Variants in GLIPR2 observed in about 807,000 individuals in gnomAD.
GLIPR2 encodes the protein GLI pathogenesis related 2, also known as Golgi-associated plant pathogenesis-related protein 1.
GLIPR2 carries 21 observed loss-of-function variants against 20.4 expected under a neutral mutation model. The ratio of observed to expected loss-of-function variants is 1.03; its 90% CI spans 0.73 to 1.48. GLIPR2 has a LOEUF of 1.48. Ranked by LOEUF, GLIPR2 falls within the 40% of genes most tolerant of loss-of-function variation. The pLI is 0.00. For synonymous variants in GLIPR2, 91 were observed against 80.5 expected (o/e 1.13, Z -0.70); for missense variants, 205 against 200.1 (o/e 1.02, Z -0.15).
In GLIPR2 at chr9:36,162,779, G is replaced by A. The variant is rs890661551; in HGVS notation, c.*257G>A. 7 of 402,104 alleles carry A rather than the reference G, an allele frequency of 1.7e-5. No homozygotes were observed. The highest frequency in any genetic ancestry group is 2.4e-5 in the South Asian group (1 of 40,952). 24.9% of individuals were successfully genotyped at this position (402,104 alleles called of 1,614,324 possible). On this transcript the variant is annotated 3_prime_UTR_variant, in exon 5 of 5. Transcript: ENST00000377960. ...TTTGGATTGGGGGGAGGGGGGATCCGTTTTTTTTTTTTAATTTTTTGTTAT... is the reference window on the plus strand; with the variant it reads ...TTTGGATTGGGGGGAGGGGGGATCCATTTTTTTTTTTTAATTTTTTGTTAT...
chr9:36,158,178 A>C (rs1825919966), intron 4 of GLIPR2, among the ~76,000 whole-genome samples: 1 of 152,164 alleles, frequency 6.6e-6, no homozygotes, highest in African/African-American at 2.4e-5. Flanking sequence ...TAAATATCTG[A>C]ATCCCTGCTT....
chr9:36,157,277 C>G lies in GLIPR2; in HGVS notation c.305-5085C>G, dbSNP rs1462804856. On this transcript the variant is annotated intron_variant, in intron 4 of 4. Transcript: ENST00000377960. The stretch of plus-strand genomic sequence containing the variant: ...ACTCCTGACCTCTTGATCTGCCCAC[C>G]TTGGCCTCTCAAAGTGCTGAGAATA... Among the ~76,000 whole-genome samples, 6 of 151,556 alleles carry G rather than the reference C, an allele frequency of 4.0e-5. No homozygotes were observed. The East Asian group carries it at 1.2e-3, about 29-fold the overall frequency.
At chr9:36,137,823 C>T (rs1197246666) in intron 1 of GLIPR2, among the ~76,000 whole-genome samples, 1 of 152,254 alleles carries the variant, frequency 6.6e-6, no homozygotes, top group Admixed American at 6.5e-5. Flanking sequence ...AGGCTAGGTC[C>T]CTTCTAGGAT....
chr9:36,141,526 T>C (rs78703556), intron 1 of GLIPR2, among the ~76,000 whole-genome samples: 6,805 of 152,108 alleles, frequency 0.045, 505 homozygotes, highest in African/African-American at 0.15. Context: ...ATGAGGAGCC[T>C]GGAGAGGGCA....
chr9:36,136,847 C>T lies in GLIPR2; in HGVS notation c.13+56C>T. 1 of 1,260,376 alleles carries T rather than the reference C, an allele frequency of 7.9e-7. No homozygotes were observed. Among genetic ancestry groups the T allele is most frequent in the Non-Finnish European group, 1.0e-6 (1 of 1,001,878 alleles). 78.1% of individuals were successfully genotyped at this position (1,260,376 alleles called of 1,614,324 possible). On this transcript the variant is annotated intron_variant, in intron 1 of 4. Coordinates refer to ENST00000377960, the MANE Select transcript of GLIPR2 (RefSeq NM_022343.4). The surrounding 1 kb of genome is among the most constrained non-coding windows in gnomAD (Gnocchi z 4.3). ...GGTTCGGAACCCCGCGCTCCCGGAC[C>T]TCGCCGTCTCCCTCGTCCGCCGCAA...
chr9:36,154,299 C>T (rs2132765001), intron 4 of GLIPR2, among the ~76,000 whole-genome samples: 1 of 152,234 alleles, frequency 6.6e-6, no homozygotes, highest in Non-Finnish European at 1.5e-5. Context: ...TGACCCCTAG[C>T]ACTTTCCTGC....
rs1195869500 is a variant in GLIPR2 at position 36,147,900 on chromosome 9, T to G, written c.122+6T>G. 7.7e-7 allele frequency: 1 copy of G among 1,303,150 alleles called. No individual in the cohort carries two copies. Among genetic ancestry groups the G allele is most frequent in the Non-Finnish European group, 1.1e-6 (1 of 896,550 alleles). The allele number at this position is 1,303,150 out of a possible 1,614,324, so 80.7% of individuals were successfully genotyped here. The stretch of plus-strand genomic sequence containing the variant: ...CTCAACCGGGAGGCTCAACAGTGAG[T>G]CCCCTAGCACATCCGGGTAACTTGG... On this transcript the variant is annotated splice_donor_region_variant and intron_variant, in intron 2 of 4. Coordinates refer to ENST00000377960, the MANE Select transcript of GLIPR2 (RefSeq NM_022343.4).
intron 4 of GLIPR2, among the ~76,000 whole-genome samples, chr9:36,153,325 C>A (rs951957050): frequency 3.3e-5 from 5 of 152,190 alleles, no homozygotes; most frequent in African/African-American, 1.2e-4. Context: ...TCGTTTCACT[C>A]ATTGCCCTAC....
At chr9:36,150,222 C>T (rs1587142140) in intron 3 of GLIPR2, among the ~76,000 whole-genome samples, 1 of 152,318 alleles carries the variant, frequency 6.6e-6, no homozygotes, top group East Asian at 1.9e-4. Flanking sequence ...CCTCTGTAGA[C>T]CTACTGAATC....
intron 4 of GLIPR2, among the ~76,000 whole-genome samples, chr9:36,161,431 A>C (rs1826047095): frequency 1.3e-5 from 2 of 151,960 alleles, no homozygotes; most frequent in African/African-American, 4.8e-5. Flanking sequence ...TGGAACACAG[A>C]GCAGTGATTT....
intron 2 of GLIPR2, 82 bp from the exon 3 acceptor site, chr9:36,148,465 C>T (rs1041389958): frequency 3.1e-6 from 3 of 982,626 alleles, no homozygotes; most frequent in African/African-American, 3.2e-5. Flanking sequence ...GGGAAGGAAG[C>T]TCAGCCACAC....
At chr9:36,137,075 T>C (rs1483829557) in intron 1 of GLIPR2, among the ~76,000 whole-genome samples, 1 of 152,178 alleles carries the variant, frequency 6.6e-6, no homozygotes, top group Non-Finnish European at 1.5e-5. Flanking sequence ...TTCTGCTTTG[T>C]TTCAGGAGGC....
In GLIPR2 at chr9:36,162,355, C is replaced by T; in HGVS notation, c.305-7C>T. ...GTGTCCCTCTCCCTCTGCCCGTTCC[C>T]CTACAGGACACTTCACGGCCATGGT... On this transcript the variant is annotated splice_region_variant and splice_polypyrimidine_tract_variant and intron_variant, in intron 4 of 4. Coordinates refer to ENST00000377960, the MANE Select transcript of GLIPR2 (RefSeq NM_022343.4). 6.2e-7 allele frequency: 1 copy of T among 1,607,178 alleles called. No homozygotes were observed. Among genetic ancestry groups the T allele is most frequent in the East Asian group, 2.2e-5 (1 of 44,754 alleles).
chr9:36,153,911 C>A (rs1459338693), intron 4 of GLIPR2, among the ~76,000 whole-genome samples: 1 of 151,432 alleles, frequency 6.6e-6, no homozygotes, highest in Non-Finnish European at 1.5e-5. Context: ...CCAAAAAAAA[C>A]AAAAACAAAA....
chr9:36,153,613 C>T (rs957145439), intron 4 of GLIPR2, among the ~76,000 whole-genome samples: 2 of 152,032 alleles, frequency 1.3e-5, no homozygotes, highest in Non-Finnish European at 2.9e-5. Context: ...CTTTGAAATA[C>T]CCTTTGGCCA....
In GLIPR2 at chr9:36,147,888, C is replaced by T; in HGVS notation, c.116C>T (p.Ala39Val). Residue 39 changes from alanine to valine, a missense_variant, in exon 2 of 5, where the codon GCT (alanine) becomes GTT (valine). Ala to Val is a moderately conservative substitution (Grantham distance 64). Coordinates refer to ENST00000377960, the MANE Select transcript of GLIPR2 (RefSeq NM_022343.4). Reference sequence around the variant, plus strand: ...CTCTGCAAGAACCTCAACCGGGAGGCTCAACAGTGAGTCCCCTAGCACATC... The same window carrying T: ...CTCTGCAAGAACCTCAACCGGGAGGTTCAACAGTGAGTCCCCTAGCACATC... Reference protein sequence around the residue: ...LKLCKNLNREAQQYSEALAST... With the variant: ...LKLCKNLNREVQQYSEALAST... 2 of 1,460,026 alleles carry T rather than the reference C, an allele frequency of 1.4e-6. No homozygotes were observed. Among genetic ancestry groups the T allele is most frequent in the Non-Finnish European group, 1.9e-6 (2 of 1,039,492 alleles). The allele number at this position is 1,460,026 out of a possible 1,614,324, so 90.4% of individuals were successfully genotyped here.
intron 4 of GLIPR2, among the ~76,000 whole-genome samples, chr9:36,153,472 G>T (rs536975514): frequency 1.3e-5 from 2 of 152,304 alleles, no homozygotes; most frequent in African/African-American, 4.8e-5. Context: ...CATAATGGGG[G>T]CTTGCAGGAC....
At chr9:36,140,159 G>GA (rs1825010099) in intron 1 of GLIPR2, among the ~76,000 whole-genome samples, 1 of 152,044 alleles carries the variant, frequency 6.6e-6, no homozygotes, top group African/African-American at 2.4e-5. Flanking sequence ...CACTTGCCCT[G>GA]ACACCCTGCT....
In GLIPR2 at chr9:36,136,991, G is replaced by C. The variant is rs1352552351; in HGVS notation, c.13+200G>C. 1.9e-6 allele frequency: 1 copy of C among 522,994 alleles called. No homozygotes were observed. The highest frequency in any genetic ancestry group is 2.0e-5 in the African/African-American group (1 of 50,588). 32.4% of individuals were successfully genotyped at this position (522,994 alleles called of 1,614,324 possible). A position where few individuals can be genotyped will look rare whatever the true frequency, so the allele number is the denominator to read the frequency against. On this transcript the variant is annotated intron_variant, in intron 1 of 4. Coordinates refer to ENST00000377960, the MANE Select transcript of GLIPR2 (RefSeq NM_022343.4). This position sits in a 1 kb window ranked among gnomAD's most constrained non-coding sequence, Gnocchi z 4.3. ...GCGAGCCCGAGGGAGGCCCCCGCCGGAGAGCCGGGGATCGCGCCAAGTTGG... is the reference window on the plus strand; with the variant it reads ...GCGAGCCCGAGGGAGGCCCCCGCCGCAGAGCCGGGGATCGCGCCAAGTTGG...
Sources: gnomAD v4.1 joint callset for allele counts (sites outside exome capture counted in the v4.1 genomes callset) on GRCh38, gnomAD v4.1.1 for gene constraint, Gnocchi (gnomAD v3.1) non-coding constraint, MANE v1.5 for transcripts, NCBI Gene and HGNC (gene_info 2026-07-23, HGNC 2026-07-21) for gene names.